The following COX7A2L variants were observed in gnomAD, a reference collection of about 807,000 sequenced individuals.
COX7A2L encodes the protein cytochrome c oxidase subunit 7A2-like, mitochondrial.
COX7A2L carries 18 observed loss-of-function variants against 14.2 expected under a neutral mutation model. The ratio of observed to expected loss-of-function variants is 1.27; its 90% CI spans 0.88 to 1.88. The LOEUF (loss-of-function observed/expected upper bound fraction) is 1.88. Ranked by LOEUF, COX7A2L falls within the 40% of genes most tolerant of loss-of-function variation. COX7A2L has a pLI of 0.00. For missense variants in COX7A2L, 179 were observed against 138.8 expected (o/e 1.29, Z -1.46); for synonymous variants, 65 against 57.4 (o/e 1.13, Z -0.60).
chr2:42,364,808 C>G (rs928983547), upstream of COX7A2L, among the ~76,000 whole-genome samples: 1 of 152,156 alleles, frequency 6.6e-6, no homozygotes, highest in Non-Finnish European at 1.5e-5. Context: ...GAAATGGCAG[C>G]TGGGATTGCA....
chr2:42,345,484 A>AAC (rs1553400725), downstream of COX7A2L, among the ~76,000 whole-genome samples: 9 of 151,794 alleles, frequency 5.9e-5, no homozygotes, highest in African/African-American at 1.9e-4. Flanking sequence ...AAAAAAAAAA[A>AAC]CTGTCAGTCA....
chr2:42,364,465 A>G (rs374774462), upstream of COX7A2L, among the ~76,000 whole-genome samples: 219 of 152,114 alleles, frequency 1.4e-3, 1 homozygote, highest in South Asian at 0.01. Flanking sequence ...CTCTTTTTAC[A>G]TTTTCCCAAC....
At chr2:42,344,541 A>G (rs566128895), downstream of COX7A2L, among the ~76,000 whole-genome samples, 1 of 152,360 alleles carries the variant, frequency 6.6e-6, no homozygotes, top group Non-Finnish European at 1.5e-5. Flanking sequence ...AAAACAAAGT[A>G]TGAGAAAATC....
chr2:42,357,558 T>C (rs1321987429), intron 1 of COX7A2L, among the ~76,000 whole-genome samples: 2 of 152,058 alleles, frequency 1.3e-5, no homozygotes, highest in African/African-American at 4.8e-5. Flanking sequence ...GCAATTCTCC[T>C]GCCCTGGCCT....
chr2:42,345,134 G>A (rs1490120977), downstream of COX7A2L, among the ~76,000 whole-genome samples: 3 of 152,094 alleles, frequency 2.0e-5, no homozygotes, highest in Non-Finnish European at 4.4e-5. Context: ...TGTAATCCCA[G>A]CACTTTGGGA....
chr2:42,356,334 C>T (rs947589187), intron 1 of COX7A2L, among the ~76,000 whole-genome samples: 1 of 152,216 alleles, frequency 6.6e-6, no homozygotes, highest in African/African-American at 2.4e-5. Flanking sequence ...TTATCACCAC[C>T]TAACATACTA....
intron 2 of COX7A2L, among the ~76,000 whole-genome samples, chr2:42,351,897 C>G (rs887454276): frequency 6.6e-6 from 1 of 152,074 alleles, no homozygotes; most frequent in African/African-American, 2.4e-5. Context: ...GTGGGAGGAT[C>G]GCTTGAGCCC....
intron 2 of COX7A2L, among the ~76,000 whole-genome samples, chr2:42,336,911 G>A (rs1396816307): frequency 6.6e-6 from 1 of 152,188 alleles, no homozygotes; most frequent in Non-Finnish European, 1.5e-5. Flanking sequence ...AAGGAACTGT[G>A]TGGGGCTCAG....
intron 2 of COX7A2L, among the ~76,000 whole-genome samples, chr2:42,351,575 T>G (rs1244718764): frequency 6.6e-6 from 1 of 152,214 alleles, no homozygotes; most frequent in Non-Finnish European, 1.5e-5. Context: ...TCAGGAAGCA[T>G]GCATGCAAAA....
Position 42,351,201 on chromosome 2 carries a change from A to ATTT in COX7A2L, c.*17_*18insAAA, listed in dbSNP as rs759408570. Reference sequence around the variant, plus strand: ...AAGGGTTTATGCCAAAAAACAAACCAGTCCTCTGCAGCCTAACTCATTTGT... The same window carrying ATTT: ...AAGGGTTTATGCCAAAAAACAAACCATTTGTCCTCTGCAGCCTAACTCATTTGT... On this transcript the variant is annotated 3_prime_UTR_variant, in exon 3 of 3. Transcript: ENST00000234301. 71 of 1,606,226 alleles carry ATTT rather than the reference A, an allele frequency of 4.4e-5. No individual in the cohort carries two copies. The African/African-American group carries it at 6.7e-4, about 15-fold the overall frequency.
In COX7A2L at chr2:42,360,883, C is replaced by A. The variant is rs1047865969; in HGVS notation, c.72+207G>T. On this transcript the variant is annotated intron_variant, in intron 1 of 2. Coordinates refer to ENST00000234301, the MANE Select transcript of COX7A2L (RefSeq NM_004718.4). ...AGCCAGACCAAACTTCCACGCCAGG[C>A]CAGCCCCCGCCAGGTGAGCAGGTAC... is the stretch of plus-strand genomic sequence containing the variant. 1.8e-5 allele frequency: 11 copies of A among 612,758 alleles called. No individual in the cohort carries two copies. In the South Asian group the frequency reaches 2.0e-4, roughly 11 times the overall value. The allele number at this position is 612,758 out of a possible 1,614,324, so 38.0% of individuals were successfully genotyped here.
upstream of COX7A2L, among the ~76,000 whole-genome samples, chr2:42,363,926 G>C (rs372635915): frequency 4.1e-4 from 63 of 152,286 alleles, no homozygotes; most frequent in African/African-American, 1.4e-3. Context: ...TGTGCTAATG[G>C]CCTCTGGCAG....
At chr2:42,360,744 A>G (rs1173930681) in intron 1 of COX7A2L, among the ~76,000 whole-genome samples, 1 of 151,974 alleles carries the variant, frequency 6.6e-6, no homozygotes, top group Non-Finnish European at 1.5e-5. Flanking sequence ...CGAAAGCCAG[A>G]TGTCTTCGAA....
downstream of COX7A2L, among the ~76,000 whole-genome samples, chr2:42,348,268 A>G (rs1242776168): frequency 1.3e-5 from 2 of 152,242 alleles, no homozygotes; most frequent in Admixed American, 1.3e-4. Flanking sequence ...ATGACCAATG[A>G]ACAGAGTGCA....
upstream of COX7A2L, among the ~76,000 whole-genome samples, chr2:42,364,052 T>C (rs1671110542): frequency 6.6e-6 from 1 of 152,150 alleles, no homozygotes; most frequent in African/African-American, 2.4e-5. Context: ...TTTTAAATTC[T>C]CTCATTTTTT....
chr2:42,360,892 G>T (rs1671008544), intron 1 of COX7A2L, 198 bp downstream of exon 1: 5 of 627,400 alleles, frequency 8.0e-6, no homozygotes, highest in Admixed American at 2.8e-5. Context: ...GCCAGCCCCC[G>T]CCAGGTGAGC....
At chr2:42,367,662 G>T (rs1021585447) in intron 1 of COX7A2L, among the ~76,000 whole-genome samples, 3 of 152,244 alleles carry the variant, frequency 2.0e-5, no homozygotes, top group Admixed American at 2.0e-4. Context: ...CCAGCGACAC[G>T]CCTGCCGTTA....
chr2:42,347,954 T>C (rs1670531005), downstream of COX7A2L, among the ~76,000 whole-genome samples: 1 of 152,052 alleles, frequency 6.6e-6, no homozygotes, highest in Non-Finnish European at 1.5e-5. Flanking sequence ...TATATGTTCA[T>C]AGAATATATC....
chr2:42,361,514 C>G (rs1212882022), upstream of COX7A2L: 1 of 194,742 alleles, frequency 5.1e-6, no homozygotes, highest in African/African-American at 2.4e-5. Context: ...GCGGACTAAG[C>G]CCGGCAGTGT....
Sources: gnomAD v4.1 joint callset for allele counts (sites outside exome capture counted in the v4.1 genomes callset) on GRCh38, gnomAD v4.1.1 for gene constraint, MANE v1.5 for transcripts, NCBI Gene and HGNC (gene_info 2026-07-23, HGNC 2026-07-21) for gene names.